TNR: variants seen among roughly 807,000 people sequenced by gnomAD.
TNR encodes the protein tenascin-R.
A neutral mutation model predicts 150.4 loss-of-function variants in TNR; 45 were observed. That is an observed-to-expected ratio of 0.30 (90% CI 0.24 to 0.38). The LOEUF (loss-of-function observed/expected upper bound fraction) is 0.38, where lower values mean the gene tolerates loss of function less well. Ranked by LOEUF, TNR falls within the 10% of genes least tolerant of loss-of-function variation. The pLI, the probability that TNR is intolerant of heterozygous loss-of-function variation, is 1.00. For synonymous variants in TNR, 687 were observed against 678.4 expected, an observed-to-expected ratio of 1.01 and a Z score of -0.20; for missense variants, 1,544 against 1,759.1, an observed-to-expected ratio of 0.88 and a Z score of 2.19.
At chr1:175,590,606 G>A (rs964281559) in intron 1 of TNR, among the ~76,000 whole-genome samples, 2 of 152,230 alleles carry the variant, frequency 1.3e-5, no homozygotes, top group African/African-American at 4.8e-5. Flanking sequence ...TATGTGCAAG[G>A]ACAGTGTTGG....
chr1:175,376,316 C>T (rs1652374148), intron 9 of TNR, among the ~76,000 whole-genome samples: 1 of 152,224 alleles, frequency 6.6e-6, no homozygotes, highest in Non-Finnish European at 1.5e-5. Flanking sequence ...TTGTCAGAAG[C>T]ACTACCTTAA....
At chr1:175,461,683 C>T (rs1303608700) in intron 2 of TNR, among the ~76,000 whole-genome samples, 2 of 152,224 alleles carry the variant, frequency 1.3e-5, no homozygotes, top group Non-Finnish European at 2.9e-5. Context: ...CTTCTGCTCA[C>T]TATTTTTTTC....
Position 175,603,297 on chromosome 1 carries a change from T to G in TNR, c.-164-74928A>C, listed in dbSNP as rs187035784. ...TGCCTCAGTGTTTGGTGTCAAGTTA[T>G]CCAACCTGAGAAATCAGTAAAGTGA... On this transcript the variant is annotated intron_variant, in intron 1 of 22. Coordinates refer to ENST00000367674, the MANE Select transcript of TNR (RefSeq NM_003285.3). Among the ~76,000 whole-genome samples the G allele has an allele frequency of 2.3e-3, 343 of 152,334 alleles. 1 individual carries two copies. The highest frequency in any genetic ancestry group is 7.9e-3 in the African/African-American group (329 of 41,582).
chr1:175,741,474 A>G (rs1051626437), intron 1 of TNR, among the ~76,000 whole-genome samples: 3 of 152,210 alleles, frequency 2.0e-5, no homozygotes, highest in Admixed American at 6.5e-5. Flanking sequence ...GCAGAAATCT[A>G]TCCACTCACT....
At chr1:175,681,795 G>A (rs4652104) in intron 1 of TNR, among the ~76,000 whole-genome samples, 6,822 of 152,214 alleles carry the variant, frequency 0.045, 494 homozygotes, top group African/African-American at 0.15. Flanking sequence ...TGGGGAGTGG[G>A]GTAGGGTAGA....
intron 1 of TNR, among the ~76,000 whole-genome samples, chr1:175,533,342 C>T (rs1256755391): frequency 1.3e-5 from 2 of 152,140 alleles, no homozygotes; most frequent in South Asian, 2.1e-4. Flanking sequence ...GGAAGGAACT[C>T]GAAACTTCTT....
chr1:175,526,797 G>C (rs568159642), intron 2 of TNR, among the ~76,000 whole-genome samples: 1 of 152,344 alleles, frequency 6.6e-6, no homozygotes, highest in Admixed American at 6.5e-5. Context: ...GCCATGAGGG[G>C]ACCTGGCTGC....
chr1:175,580,710 G>A lies in TNR; in HGVS notation c.-164-52341C>T, dbSNP rs933303728. Among the ~76,000 whole-genome samples the A allele has an allele frequency of 1.2e-4, 19 of 152,196 alleles. No homozygotes were observed. In the East Asian group the frequency reaches 2.3e-3, roughly 19 times the overall value. On this transcript the variant is annotated intron_variant, in intron 1 of 22. Transcript: ENST00000367674. ...ACAAGATTGTCCATGATATTTTCAC[G>A]TAATCTTATTTACATGAGAGAAGGG... is the stretch of plus-strand genomic sequence containing the variant.
At chr1:175,533,146 A>G (rs1183632355) in intron 1 of TNR, among the ~76,000 whole-genome samples, 1 of 152,244 alleles carries the variant, frequency 6.6e-6, no homozygotes, top group East Asian at 1.9e-4. Flanking sequence ...CTACAAATGA[A>G]AAGTGTAACA....
At chr1:175,490,842 C>G (rs1658216431) in intron 2 of TNR, among the ~76,000 whole-genome samples, 1 of 152,138 alleles carries the variant, frequency 6.6e-6, no homozygotes, top group Non-Finnish European at 1.5e-5. Context: ...GCAGAAATAC[C>G]ATTTGACCCA....
At chr1:175,740,238 T>C (rs909837813) in intron 1 of TNR, among the ~76,000 whole-genome samples, 1 of 152,188 alleles carries the variant, frequency 6.6e-6, no homozygotes, top group African/African-American at 2.4e-5. Context: ...TGTAGCAGCA[T>C]AAGCTATGGT....
chr1:175,452,678 G>A (rs1183201709), intron 2 of TNR, among the ~76,000 whole-genome samples: 3 of 152,238 alleles, frequency 2.0e-5, no homozygotes, highest in Admixed American at 1.3e-4. Context: ...TTTAAATTGT[G>A]AAGTTTGGAA....
intron 18 of TNR, among the ~76,000 whole-genome samples, chr1:175,338,646 T>G: frequency 6.6e-6 from 1 of 152,090 alleles, no homozygotes; most frequent in East Asian, 1.9e-4. Context: ...GAAGAGAGGC[T>G]GGGGAGGGAC....
chr1:175,403,746 G>A (rs191330295), intron 3 of TNR, 130 bp from the exon 4 acceptor site: 23 of 754,788 alleles, frequency 3.0e-5, no homozygotes, highest in African/African-American at 2.4e-4. Flanking sequence ...GAAGCTCAAC[G>A]TAGTTTGGTA....
At chr1:175,357,987 G>T (rs1270296937) in intron 15 of TNR, among the ~76,000 whole-genome samples, 2 of 152,190 alleles carry the variant, frequency 1.3e-5, no homozygotes, top group East Asian at 3.8e-4. Context: ...CTGCCTTCAG[G>T]GAAGCTTTGA....
chr1:175,697,356 T>TC lies in TNR; in HGVS notation c.-165+45869_-165+45870insG, dbSNP rs543319058. Among the ~76,000 whole-genome samples the TC allele has an allele frequency of 5.8e-4, 88 of 151,658 alleles. 1 individual carries two copies. Among genetic ancestry groups the TC allele is most frequent in the Admixed American group, 9.2e-4 (14 of 15,256 alleles). On this transcript the variant is annotated intron_variant, in intron 1 of 22. Coordinates refer to ENST00000367674, the MANE Select transcript of TNR (RefSeq NM_003285.3). ...CAGCTCCTTTCTACGTCTTTTTTTT[T>TC]TTTCTTTCTTTCTTGAAGCTCCTGA...
chr1:175,619,901 C>G (rs1169487059), intron 1 of TNR, among the ~76,000 whole-genome samples: 1 of 152,218 alleles, frequency 6.6e-6, no homozygotes, highest in East Asian at 1.9e-4. Flanking sequence ...AATAAGAAAG[C>G]ATTTGCTCCA....
chr1:175,454,056 C>T (rs928526734), intron 2 of TNR, among the ~76,000 whole-genome samples: 3 of 152,184 alleles, frequency 2.0e-5, no homozygotes, highest in Non-Finnish European at 2.9e-5. Flanking sequence ...AGCCACTCAA[C>T]AGTTCCTCAG....
intron 2 of TNR, among the ~76,000 whole-genome samples, chr1:175,483,252 G>A (rs1408995196): frequency 1.3e-5 from 2 of 152,154 alleles, no homozygotes; most frequent in Admixed American, 6.5e-5. Context: ...GGTGCAGTGA[G>A]GGCCTAGGGA....
Sources: allele counts gnomAD v4.1 joint callset (sites outside exome capture counted in the v4.1 genomes callset), GRCh38; gene constraint gnomAD v4.1.1; transcripts MANE v1.5; gene names NCBI Gene and HGNC (gene_info 2026-07-23, HGNC 2026-07-21).